LRCH1: variants seen among roughly 807,000 people sequenced by gnomAD.
LRCH1 encodes the protein leucine-rich repeat and calponin homology domain-containing protein 1.
In LRCH1, 23 loss-of-function variants were observed where a neutral mutation model predicts 94.9. The ratio of observed to expected loss-of-function variants is 0.24; its 90% CI spans 0.17 to 0.34. The LOEUF (loss-of-function observed/expected upper bound fraction) is 0.34, where lower values mean the gene tolerates loss of function less well. Among genes scored for constraint, LRCH1 ranks in the 10% least tolerant of loss-of-function variants. The pLI is 1.00. For missense variants in LRCH1, 790 were observed against 945.9 expected (o/e 0.84, Z 2.16); for synonymous variants, 364 against 354.9 (o/e 1.03, Z -0.29).
intron 11 of LRCH1, among the ~76,000 whole-genome samples, chr13:46,701,775 C>G (rs1288767275): frequency 6.6e-6 from 1 of 152,078 alleles, no homozygotes. Context: ...TAATGGAATT[C>G]CCATGGACAA....
chr13:46,592,800 T>C (rs994100251), intron 1 of LRCH1, among the ~76,000 whole-genome samples: 18 of 152,262 alleles, frequency 1.2e-4, no homozygotes, highest in African/African-American at 4.1e-4. Flanking sequence ...ACTCCTTAGT[T>C]TGTTGTGTGA....
chr13:46,738,029 A>G (rs1195465894), intron 19 of LRCH1, among the ~76,000 whole-genome samples: 1 of 152,228 alleles, frequency 6.6e-6, no homozygotes, highest in Non-Finnish European at 1.5e-5. Flanking sequence ...TCCTTAGTTT[A>G]ACAGACTTGC....
intron 1 of LRCH1, among the ~76,000 whole-genome samples, chr13:46,580,501 G>T (rs2050353101): frequency 6.6e-6 from 1 of 152,194 alleles, no homozygotes; most frequent in Non-Finnish European, 1.5e-5. Context: ...GGTCATGCAT[G>T]CTGCTTTCTG....
intron 1 of LRCH1, among the ~76,000 whole-genome samples, chr13:46,574,606 G>A (rs1438340272): frequency 1.3e-5 from 2 of 152,076 alleles, no homozygotes; most frequent in East Asian, 3.8e-4. Flanking sequence ...ATAATTATTT[G>A]TAGATCCCAC....
At chr13:46,580,499 A>G (rs545651679) in intron 1 of LRCH1, among the ~76,000 whole-genome samples, 10 of 152,334 alleles carry the variant, frequency 6.6e-5, no homozygotes, top group African/African-American at 2.4e-4. Context: ...GGGGTCATGC[A>G]TGCTGCTTTC....
intron 19 of LRCH1, among the ~76,000 whole-genome samples, 180 bp downstream of exon 19, chr13:46,734,178 T>A (rs77292641): frequency 0.017 from 2,567 of 152,276 alleles, 58 homozygotes; most frequent in African/African-American, 0.056. Context: ...GAAAGTAAAA[T>A]GACTATGCAA....
chr13:46,625,631 G>GTTTTTTTTTTTTT (rs149512536), intron 1 of LRCH1, among the ~76,000 whole-genome samples: 1 of 126,266 alleles, frequency 7.9e-6, no homozygotes, highest in Non-Finnish European at 1.6e-5. Context: ...AAATGTGTGG[G>GTTTTTTTTTTTTT]GTTTTTTTTT....
intron 3 of LRCH1, among the ~76,000 whole-genome samples, chr13:46,677,017 C>T (rs553278740): frequency 2.4e-4 from 36 of 152,206 alleles, no homozygotes; most frequent in East Asian, 1.6e-3. Flanking sequence ...AGAGCTCAAG[C>T]GATCTGCCCA....
chr13:46,652,542 T>C (rs1004599869), intron 2 of LRCH1, among the ~76,000 whole-genome samples: 1 of 152,212 alleles, frequency 6.6e-6, no homozygotes, highest in Non-Finnish European at 1.5e-5. Flanking sequence ...CTAACTTATC[T>C]GACCATTTTG....
intron 2 of LRCH1, among the ~76,000 whole-genome samples, chr13:46,651,675 G>C (rs1240348507): frequency 2.1e-5 from 3 of 146,074 alleles, no homozygotes; most frequent in Admixed American, 6.8e-5. Flanking sequence ...AAAAAAAAAA[G>C]AGTTTAAGTT....
chr13:46,627,804 T>C (rs1288869558), intron 1 of LRCH1, among the ~76,000 whole-genome samples: 2 of 152,232 alleles, frequency 1.3e-5, no homozygotes, highest in African/African-American at 2.4e-5. Flanking sequence ...CTTTTCTTTT[T>C]ATTTATACTT....
At chr13:46,671,772 GAGC>G (rs1476583824) in intron 3 of LRCH1, among the ~76,000 whole-genome samples, 6 of 152,194 alleles carry the variant, frequency 3.9e-5, no homozygotes, top group Non-Finnish European at 7.3e-5. Context: ...TTATTTTTAA[GAGC>G]AGTTTTAGGT....
intron 1 of LRCH1, among the ~76,000 whole-genome samples, chr13:46,587,136 G>A (rs2050444024): frequency 6.6e-6 from 1 of 152,218 alleles, no homozygotes; most frequent in African/African-American, 2.4e-5. Context: ...TGTAAATGAT[G>A]TAAAAATAGC....
chr13:46,689,020 T>C, intron 6 of LRCH1, 113 bp from the exon 7 acceptor site: 3 of 834,950 alleles, frequency 3.6e-6, no homozygotes, highest in Non-Finnish European at 5.8e-6. Context: ...ATGGTAATAA[T>C]AAAAATTTGC....
intron 11 of LRCH1, among the ~76,000 whole-genome samples, chr13:46,703,891 T>G (rs772863275): frequency 6.8e-6 from 1 of 146,072 alleles, no homozygotes; most frequent in Non-Finnish European, 1.5e-5. Flanking sequence ...GGAAATATAT[T>G]AAAATGGAAG....
chr13:46,553,242 C>CCAAAT lies in LRCH1; in HGVS notation c.-155_-154insCAAAT. The CCAAAT allele has an allele frequency of 5.3e-6, 3 of 568,646 alleles. No individual in the cohort carries two copies. Among genetic ancestry groups the CCAAAT allele is most frequent in the Admixed American group, 6.4e-5 (2 of 31,084 alleles). The allele number at this position is 568,646 out of a possible 1,614,324, so 35.2% of individuals were successfully genotyped here. A position where few individuals can be genotyped will look rare whatever the true frequency, so the allele number is the denominator to read the frequency against. ...CACGGCCGCCTCCCCGCCCGCCCCCCATTCTACGCGCCTGCCCACACCCTC... is the reference window on the plus strand; with the variant it reads ...CACGGCCGCCTCCCCGCCCGCCCCCCCAAATATTCTACGCGCCTGCCCACACCCTC... On this transcript the variant is annotated 5_prime_UTR_variant, in exon 1 of 20. Transcript: ENST00000389797.
At chr13:46,610,438 AT>A (rs1323569690) in intron 1 of LRCH1, among the ~76,000 whole-genome samples, 1 of 150,350 alleles carries the variant, frequency 6.7e-6, no homozygotes, top group Admixed American at 6.6e-5. Context: ...GTAATATTTT[AT>A]TAAGTTATCT....
At chr13:46,625,038 C>T (rs1367837171) in intron 1 of LRCH1, among the ~76,000 whole-genome samples, 1 of 152,222 alleles carries the variant, frequency 6.6e-6, no homozygotes, top group Non-Finnish European at 1.5e-5. Flanking sequence ...TGCCATTATC[C>T]CTACTCTAGG....
intron 2 of LRCH1, among the ~76,000 whole-genome samples, chr13:46,656,290 T>G (rs974266600): frequency 2.0e-5 from 3 of 152,234 alleles, no homozygotes; most frequent in Non-Finnish European, 4.4e-5. Context: ...CTCCTTGCAC[T>G]GACAATTCTA....
Sources: gnomAD v4.1 joint callset for allele counts (sites outside exome capture counted in the v4.1 genomes callset) on GRCh38, gnomAD v4.1.1 for gene constraint, MANE v1.5 for transcripts, NCBI Gene and HGNC (gene_info 2026-07-23, HGNC 2026-07-21) for gene names.